PLA2G4A: variants seen among roughly 807,000 people sequenced by gnomAD.
The protein encoded by PLA2G4A is phospholipase A2 group IVA, also known as cytosolic phospholipase A2.
In PLA2G4A, 40 loss-of-function variants were observed where a neutral mutation model predicts 81.9. That is an observed-to-expected ratio of 0.49 (90% confidence interval 0.38 to 0.64). PLA2G4A has a LOEUF of 0.64. Ranked by LOEUF, PLA2G4A falls within the 30% of genes least tolerant of loss-of-function variation. The pLI is 0.00. For missense variants in PLA2G4A, 715 were observed against 905.1 expected (o/e 0.79, Z 2.69); for synonymous variants, 302 against 296.9 (o/e 1.02, Z -0.18).
chr1:186,932,038 C>G (rs1374309993), intron 7 of PLA2G4A, among the ~76,000 whole-genome samples: 3 of 152,136 alleles, frequency 2.0e-5, no homozygotes, highest in African/African-American at 7.2e-5. Context: ...GTAGATCTTA[C>G]ACAAGAAACA....
intron 2 of PLA2G4A, among the ~76,000 whole-genome samples, chr1:186,856,028 A>T (rs1275692748): frequency 1.3e-5 from 2 of 151,952 alleles, no homozygotes; most frequent in Non-Finnish European, 2.9e-5. Context: ...GCATTTCCAT[A>T]TAATTTTTGG....
In PLA2G4A at chr1:186,948,784, G is replaced by A. The variant is rs893188708; in HGVS notation, c.1264+1823G>A. Reference sequence around the variant, plus strand: ...CGGCAGTCTGGCAGCTTATTGACTCGGACTGTGTGTCAGACTGAGGGGGAA... The same window carrying A: ...CGGCAGTCTGGCAGCTTATTGACTCAGACTGTGTGTCAGACTGAGGGGGAA... On this transcript the variant is annotated intron_variant, in intron 12 of 17. Coordinates refer to ENST00000367466, the MANE Select transcript of PLA2G4A (RefSeq NM_024420.3). Among the ~76,000 whole-genome samples, 29 of 152,126 alleles carry A rather than the reference G, an allele frequency of 1.9e-4. No homozygotes were observed. The East Asian group carries it at 2.9e-3, about 15-fold the overall frequency.
intron 2 of PLA2G4A, among the ~76,000 whole-genome samples, chr1:186,862,491 C>A (rs1652847800): frequency 6.6e-6 from 1 of 152,198 alleles, no homozygotes; most frequent in South Asian, 2.1e-4. Flanking sequence ...GGATTACAGG[C>A]CTGAGCCATC....
At chr1:186,948,256 A>C (rs1257372572) in intron 12 of PLA2G4A, among the ~76,000 whole-genome samples, 1 of 152,166 alleles carries the variant, frequency 6.6e-6, no homozygotes, top group East Asian at 1.9e-4. Flanking sequence ...ACACACAAAT[A>C]AGGCACCTTG....
intron 14 of PLA2G4A, among the ~76,000 whole-genome samples, chr1:186,964,606 T>G (rs186069784): frequency 1.3e-5 from 2 of 152,252 alleles, no homozygotes; most frequent in Admixed American, 1.3e-4. Context: ...AGTGTAAGGT[T>G]TTCTTCTCAG....
chr1:186,962,129 T>C (rs1234913128), intron 14 of PLA2G4A, among the ~76,000 whole-genome samples: 1 of 146,632 alleles, frequency 6.8e-6, no homozygotes, highest in Non-Finnish European at 1.5e-5. Context: ...TTTTTTTTTC[T>C]ACTTAATAAT....
chr1:186,971,945 A>C (rs1185620795), intron 15 of PLA2G4A, among the ~76,000 whole-genome samples: 1 of 152,076 alleles, frequency 6.6e-6, no homozygotes, highest in Non-Finnish European at 1.5e-5. Context: ...GCCTTTCACA[A>C]AATATTAGAG....
chr1:186,958,009 C>T (rs1656814447), intron 14 of PLA2G4A, among the ~76,000 whole-genome samples: 1 of 152,132 alleles, frequency 6.6e-6, no homozygotes, highest in African/African-American at 2.4e-5. Flanking sequence ...ATACCTAGAA[C>T]ATACTTGTGA....
intron 17 of PLA2G4A, among the ~76,000 whole-genome samples, chr1:186,984,100 T>C (rs561920375): frequency 1.3e-5 from 2 of 152,328 alleles, no homozygotes; most frequent in East Asian, 3.9e-4. Flanking sequence ...TCACAATGCC[T>C]GACACCTAAA....
chr1:186,897,673 C>T (rs2205900), intron 5 of PLA2G4A, among the ~76,000 whole-genome samples: 145,794 of 152,048 alleles, frequency 0.96, 69,939 homozygotes, highest in East Asian at 1. Context: ...CATGCCTGGC[C>T]AATTTTTGTA....
chr1:186,849,665 C>A (rs796691957), intron 1 of PLA2G4A, among the ~76,000 whole-genome samples: 8 of 152,204 alleles, frequency 5.3e-5, no homozygotes, highest in African/African-American at 1.9e-4. Flanking sequence ...ATGGCTAGCT[C>A]CTTTTTAGTG....
At chr1:186,844,778 A>G (rs1388624703) in intron 1 of PLA2G4A, among the ~76,000 whole-genome samples, 3 of 152,214 alleles carry the variant, frequency 2.0e-5, no homozygotes, top group Non-Finnish European at 4.4e-5. Flanking sequence ...CTAAAACTTA[A>G]AGTATAATAA....
rs67987940 is a variant in PLA2G4A, at chr1:186,837,752, AG to A, written c.-70+8718del. On this transcript the variant is annotated intron_variant, in intron 1 of 17. Coordinates refer to ENST00000367466, the MANE Select transcript of PLA2G4A (RefSeq NM_024420.3). The stretch of plus-strand genomic sequence containing the variant: ...ACTCCGTCTCAAAAAAAAAAAAAAA[AG>A]AAAAAGAAAAGAAAAAAAGAAAATA... Among the ~76,000 whole-genome samples, 45 of 143,678 alleles carry A rather than the reference AG, an allele frequency of 3.1e-4. 3 individuals are homozygous for A. Among genetic ancestry groups the A allele is most frequent in the African/African-American group, 8.1e-4 (30 of 36,964 alleles). The allele number at this position is 143,678 out of a possible 152,430, so 94.3% of individuals were successfully genotyped here.
intron 2 of PLA2G4A, among the ~76,000 whole-genome samples, chr1:186,861,283 A>AC (rs1652787992): frequency 6.6e-6 from 1 of 152,130 alleles, no homozygotes; most frequent in Non-Finnish European, 1.5e-5. Flanking sequence ...AGTGTGGTTT[A>AC]CCAGCGACCT....
chr1:186,835,333 T>C (rs952021066), intron 1 of PLA2G4A, among the ~76,000 whole-genome samples: 1 of 152,210 alleles, frequency 6.6e-6, no homozygotes. Context: ...AGATAAATGG[T>C]GTTTTAAGTT....
At chr1:186,894,503 A>C (rs1191942600) in intron 5 of PLA2G4A, among the ~76,000 whole-genome samples, 1 of 152,144 alleles carries the variant, frequency 6.6e-6, no homozygotes, top group African/African-American at 2.4e-5. Flanking sequence ...CTAATGGCAA[A>C]ATTTAATACA....
chr1:186,987,720 T>C (rs908133662), intron 17 of PLA2G4A, among the ~76,000 whole-genome samples: 4 of 152,226 alleles, frequency 2.6e-5, no homozygotes, highest in African/African-American at 7.2e-5. Context: ...ACAGTTGAAA[T>C]AGCAGTTCTT....
chr1:186,962,372 C>T (rs76405099), intron 14 of PLA2G4A, among the ~76,000 whole-genome samples: 7,019 of 152,030 alleles, frequency 0.046, 222 homozygotes, highest in Middle Eastern at 0.11. Context: ...ACCATACTCC[C>T]ATTATTGTGT....
intron 7 of PLA2G4A, among the ~76,000 whole-genome samples, chr1:186,924,130 C>G (rs1184512181): frequency 6.6e-6 from 1 of 152,196 alleles, no homozygotes; most frequent in African/African-American, 2.4e-5. Context: ...AGATCACTCT[C>G]AACCTGTATT....
Sources: gnomAD v4.1 joint callset for allele counts (sites outside exome capture counted in the v4.1 genomes callset) on GRCh38, gnomAD v4.1.1 for gene constraint, MANE v1.5 for transcripts, NCBI Gene and HGNC (gene_info 2026-07-23, HGNC 2026-07-21) for gene names.